Variants in CACNA1S observed in about 807,000 individuals in gnomAD.
CACNA1S encodes calcium voltage-gated channel subunit alpha1 S.
CACNA1S carries 126 observed loss-of-function variants against 207.4 expected under a neutral mutation model. That is an observed-to-expected ratio of 0.61 (90% CI 0.53 to 0.70). The LOEUF (loss-of-function observed/expected upper bound fraction) is 0.70, where lower values mean the gene tolerates loss of function less well. Ranked by LOEUF, CACNA1S falls within the 30% of genes least tolerant of loss-of-function variation. The probability of loss-of-function intolerance (pLI) is 0.00; values close to 1 mark genes in which losing one functional copy is unlikely to be tolerated. For missense variants in CACNA1S, 2,349 were observed against 2,422.8 expected (o/e 0.97, Z 0.64); for synonymous variants, 960 against 932.7 (o/e 1.03, Z -0.53).
chr1:201,043,292 A>G lies in CACNA1S; in HGVS notation c.5037T>C (p.His1679=), dbSNP rs1660346019. ...GTGGCCGCCACTACCTGGAAAACAC[A>G]TGGCTGTTGCTATGGTTGCTGTTGC... The part of the protein sequence containing the change: ...AYGNSNHSNS[H]VFSSVHYERE... Residue 1679 remains histidine, a synonymous_variant, in exon 40 of 44, where the codon CAT becomes CAC. Coordinates refer to ENST00000362061, the MANE Select transcript of CACNA1S (RefSeq NM_000069.3). 6 of 1,614,126 alleles carry G rather than the reference A, an allele frequency of 3.7e-6. No homozygotes were observed. Among genetic ancestry groups the G allele is most frequent in the East Asian group, 2.2e-5 (1 of 44,882 alleles).
At chr1:201,068,641 G>A (rs572609523) in intron 19 of CACNA1S, among the ~76,000 whole-genome samples, 3 of 151,884 alleles carry the variant, frequency 2.0e-5, no homozygotes, top group Non-Finnish European at 2.9e-5. Context: ...GGGAGGCTGA[G>A]GTGGGCGGAT....
chr1:201,099,541 A>G (rs1031733519), intron 2 of CACNA1S, among the ~76,000 whole-genome samples: 3 of 152,052 alleles, frequency 2.0e-5, no homozygotes, highest in Non-Finnish European at 4.4e-5. Flanking sequence ...GAGGCAATGG[A>G]CTCATATTCG....
chr1:201,077,116 G>A lies in CACNA1S; in HGVS notation c.1631C>T (p.Ser544Leu), dbSNP rs1454338225. 5.0e-6 allele frequency: 8 copies of A among 1,613,856 alleles called. No individual in the cohort carries two copies. Among genetic ancestry groups the A allele is most frequent in the South Asian group, 3.3e-5 (3 of 91,080 alleles). ...RIFKITKYWT[S>L]LSNLVASLLN... is the part of the protein sequence containing the mutation. The stretch of plus-strand genomic sequence containing the variant: ...CAGGGATGCCACCAGGTTGCTCAGC[G>A]ACGTCCAATATCTGAAGGAAGAGGA... The change falls in exon 12 of 44, where the codon TCG becomes TTG. Residue 544 changes from serine (S) to leucine (L), a missense_variant. Physicochemically the swap from Ser to Leu is moderately radical, Grantham distance 145. Transcript: ENST00000362061.
Position 201,081,869 on chromosome 1 carries a change from A to G in CACNA1S, c.1393+1293T>C, listed in dbSNP as rs1455874650. ...TCTCTCTCTTGCTCCTGCTTTCGCC[A>G]TGTGACATGCCTGCCCTCCCTTTGC... is the stretch of plus-strand genomic sequence containing the variant. On this transcript the variant is annotated intron_variant, in intron 10 of 43. Transcript: ENST00000362061. Among the ~76,000 whole-genome samples, 6 of 152,244 alleles carry G rather than the reference A, an allele frequency of 3.9e-5. No homozygotes were observed. The South Asian group carries it at 6.2e-4, about 16-fold the overall frequency.
chr1:201,099,344 C>G (rs746103338), intron 2 of CACNA1S, among the ~76,000 whole-genome samples: 2 of 152,206 alleles, frequency 1.3e-5, no homozygotes, highest in Non-Finnish European at 2.9e-5. Flanking sequence ...CTACAGAGCT[C>G]ACTGAAAGGA....
chr1:201,092,116 TAGA>T lies in CACNA1S; in HGVS notation c.399-5_399-3del, dbSNP rs1174997646. On this transcript the variant is annotated splice_polypyrimidine_tract_variant and splice_region_variant and intron_variant, in intron 3 of 43. Coordinates refer to ENST00000362061, the MANE Select transcript of CACNA1S (RefSeq NM_000069.3). Reference sequence around the variant, plus strand: ...TGTTCCAGAATCACGGTGAAGACCCTAGAATGGAGAAGAGGGAGAGAGGGGGTC... The same window carrying T: ...TGTTCCAGAATCACGGTGAAGACCCTATGGAGAAGAGGGAGAGAGGGGGTC... 1.9e-6 allele frequency: 3 copies of T among 1,613,748 alleles called. No homozygotes were observed. In the African/African-American group the frequency reaches 4.0e-5, roughly 22 times the overall value.
chr1:201,093,469 A>G (rs1662313290), intron 3 of CACNA1S, among the ~76,000 whole-genome samples: 1 of 152,258 alleles, frequency 6.6e-6, no homozygotes, highest in Non-Finnish European at 1.5e-5. Flanking sequence ...AAACTAATAC[A>G]GGTTAATAAA....
chr1:201,094,674 G>C (rs570462165), intron 2 of CACNA1S, among the ~76,000 whole-genome samples: 3 of 152,070 alleles, frequency 2.0e-5, no homozygotes, highest in Admixed American at 2.0e-4. Context: ...TCCCCTGCCC[G>C]TCCCACCTGC....
chr1:201,054,565 T>C lies in CACNA1S; in HGVS notation c.3610-4A>G. 6.2e-7 allele frequency: 1 copy of C among 1,611,636 alleles called. No individual in the cohort carries two copies. Among genetic ancestry groups the C allele is most frequent in the Non-Finnish European group, 8.5e-7 (1 of 1,179,080 alleles). ...CCCCGCTGGAGGCCAGGAAAGTCTGTGGAGAAAAGAGACGAAGGGAGGGGA... is the reference window on the plus strand; with the variant it reads ...CCCCGCTGGAGGCCAGGAAAGTCTGCGGAGAAAAGAGACGAAGGGAGGGGA... On this transcript the variant is annotated splice_region_variant and splice_polypyrimidine_tract_variant and intron_variant, in intron 28 of 43. Coordinates refer to ENST00000362061, the MANE Select transcript of CACNA1S (RefSeq NM_000069.3).
intron 2 of CACNA1S, among the ~76,000 whole-genome samples, chr1:201,105,748 C>G (rs1662853572): frequency 6.6e-6 from 1 of 152,144 alleles, no homozygotes; most frequent in African/African-American, 2.4e-5. Context: ...CAGAGGTGTA[C>G]CTCTAGCCCC....
chr1:201,101,338 C>T lies in CACNA1S; in HGVS notation c.259-7317G>A, dbSNP rs75452115. 4.1e-3 allele frequency among the ~76,000 whole-genome samples: 620 copies of T among 152,258 alleles called. 4 individuals are homozygous for T. The highest frequency in any genetic ancestry group is 0.014 in the African/African-American group (586 of 41,552). On this transcript the variant is annotated intron_variant, in intron 2 of 43. Transcript: ENST00000362061. ...CAGATAACTCTACTCAGGCTTTTGA[C>T]AAAAAACAACCCTCACCCTCCATAA...
Position 201,066,058 on chromosome 1 carries a change from G to T in CACNA1S, c.2746-113C>A. 1.1e-6 allele frequency: 1 copy of T among 939,736 alleles called. No individual in the cohort carries two copies. Among genetic ancestry groups the T allele is most frequent in the Non-Finnish European group, 1.7e-6 (1 of 589,118 alleles). The allele number at this position is 939,736 out of a possible 1,614,324, so 58.2% of individuals were successfully genotyped here. A position where few individuals can be genotyped will look rare whatever the true frequency, so the allele number is the denominator to read the frequency against. On this transcript the variant is annotated intron_variant, in intron 21 of 43. Transcript: ENST00000362061. The surrounding 1 kb of genome is among the most constrained non-coding windows in gnomAD (Gnocchi z 4.3). ...TGCTGCCTCCTGATGAGTTGGAGGT[G>T]GGGAAAGGCTGGTGGGGAAGCATAG...
chr1:201,061,349 T>C lies in CACNA1S; in HGVS notation c.3173A>G (p.Asn1058Ser), dbSNP rs777876303. ...GACAATGACGAAGCCCACAAAGATG[T>C]TCATCATGAAGAAGGCAATGAGGAT... ...YIILIAFFMM[N>S]IFVGFVIVTF... The change falls in exon 25 of 44, where the codon AAC becomes AGC. Residue 1058 changes from asparagine to serine, a missense_variant. By Grantham distance (46) the Asn-to-Ser change is conservative (BLOSUM62 1). Coordinates refer to ENST00000362061, the MANE Select transcript of CACNA1S (RefSeq NM_000069.3). 4.3e-6 allele frequency: 7 copies of C among 1,614,094 alleles called. No homozygotes were observed. Among genetic ancestry groups the C allele is most frequent in the Non-Finnish European group, 5.9e-6 (7 of 1,180,046 alleles).
rs1297487932 is a variant in CACNA1S, at chr1:201,052,652, C to G, written c.3862-4G>C. ...CCAAGGCGATCTTCCCAAACATCTG[C>G]AAGTCACAAAGGGCCCTGACTGTGG... On this transcript the variant is annotated splice_polypyrimidine_tract_variant and splice_region_variant and intron_variant, in intron 31 of 43. Transcript: ENST00000362061. 1 of 1,612,314 alleles carries G rather than the reference C, an allele frequency of 6.2e-7. No individual in the cohort carries two copies. The highest frequency in any genetic ancestry group is 8.5e-7 in the Non-Finnish European group (1 of 1,178,610).
intron 2 of CACNA1S, among the ~76,000 whole-genome samples, chr1:201,107,023 C>T (rs1662919892): frequency 2.0e-5 from 3 of 152,212 alleles, no homozygotes; most frequent in Non-Finnish European, 4.4e-5. Context: ...GCCCAGGACC[C>T]CAGAGGGCAA....
rs572087940 is a variant in CACNA1S, at chr1:201,058,347, G to A, written c.3609+61C>T. 1,268 of 1,407,216 alleles carry A rather than the reference G, an allele frequency of 9.0e-4. 14 individuals carry two copies. Among genetic ancestry groups the A allele is most frequent in the South Asian group, 7.6e-3 (659 of 86,914 alleles). The allele number at this position is 1,407,216 out of a possible 1,614,324, so 87.2% of individuals were successfully genotyped here. On this transcript the variant is annotated intron_variant, in intron 28 of 43. Coordinates refer to ENST00000362061, the MANE Select transcript of CACNA1S (RefSeq NM_000069.3). Reference sequence around the variant, plus strand: ...CACAGTGGGCACCCCACAAATATCTGTGGATTGAACACATGCTCTTGGGCC... The same window carrying A: ...CACAGTGGGCACCCCACAAATATCTATGGATTGAACACATGCTCTTGGGCC...
At chr1:201,068,757 A>G (rs1183562020) in intron 19 of CACNA1S, among the ~76,000 whole-genome samples, 2 of 152,054 alleles carry the variant, frequency 1.3e-5, no homozygotes. Flanking sequence ...CTGTAATCCC[A>G]GCTACTTGAG....
intron 10 of CACNA1S, among the ~76,000 whole-genome samples, chr1:201,082,129 A>G (rs1661862516): frequency 6.6e-6 from 1 of 151,114 alleles, no homozygotes; most frequent in Non-Finnish European, 1.5e-5. Context: ...TCCAGGTTCA[A>G]GCGATTCTCC....
intron 1 of CACNA1S, 51 bp from the exon 2 acceptor site, chr1:201,110,320 G>A (rs374240866): frequency 1.5e-4 from 231 of 1,530,636 alleles, no homozygotes; most frequent in Non-Finnish European, 1.9e-4. Context: ...GACTTACAGG[G>A]TTAAGGGGAT....
Sources: gnomAD v4.1 joint callset for allele counts (sites outside exome capture counted in the v4.1 genomes callset) on GRCh38, gnomAD v4.1.1 for gene constraint, Gnocchi (gnomAD v3.1) non-coding constraint, MANE v1.5 for transcripts, NCBI Gene and HGNC (gene_info 2026-07-23, HGNC 2026-07-21) for gene names.